The following LPAR6 variants were observed in gnomAD, a reference collection of about 807,000 sequenced individuals.
LPAR6 encodes the protein G-protein coupled purinergic receptor P2Y5.
In LPAR6, 17 loss-of-function variants were observed where a neutral mutation model predicts 22.0. The observed-to-expected ratio is 0.77, with a 90% CI of 0.53 to 1.16. LPAR6 has a LOEUF of 1.16. LPAR6 is among the 50% of genes most tolerant of loss of function. The pLI is 0.00. For synonymous variants in LPAR6, 136 were observed against 139.8 expected (o/e 0.97, Z 0.19); for missense variants, 384 against 406.9 (o/e 0.94, Z 0.48).
intron 1 of LPAR6, among the ~76,000 whole-genome samples, chr13:48,426,016 A>G (rs571183755): frequency 1.3e-5 from 2 of 152,328 alleles, no homozygotes; most frequent in South Asian, 4.1e-4. Context: ...TTGTATAATG[A>G]AAGAATACAA....
Position 48,411,963 on chromosome 13 carries a change from A to G in LPAR6, c.461T>C (p.Val154Ala). Residue 154 changes from valine (V) to alanine (A), a missense_variant, in exon 1 of 1, where the codon GTT becomes GCT. Transcript: ENST00000620633. Reference protein sequence around the residue: ...VIGGSAPAVFVQSTHSQGNNA... With the variant: ...VIGGSAPAVFAQSTHSQGNNA... ...GTTACCCTGAGAGTGGGTAGACTGA[A>G]CAAAAACGGCGGGTGCACTTCCTCC... The G allele has an allele frequency of 6.2e-7, 1 of 1,612,590 alleles. No homozygotes were observed. Among genetic ancestry groups the G allele is most frequent in the Non-Finnish European group, 8.5e-7 (1 of 1,179,196 alleles).
upstream of LPAR6, among the ~76,000 whole-genome samples, chr13:48,431,794 G>A (rs1949132328): frequency 6.6e-6 from 1 of 152,082 alleles, no homozygotes; most frequent in Non-Finnish European, 1.5e-5. Flanking sequence ...AAAGATTGCT[G>A]GATTTTTGCC....
At chr13:48,398,097 T>C (rs749735468) in intron 1 of LPAR6, among the ~76,000 whole-genome samples, 1 of 152,194 alleles carries the variant, frequency 6.6e-6, no homozygotes, top group Non-Finnish European at 1.5e-5. Context: ...ATGCCATATA[T>C]ACTTTTACAC....
chr13:48,413,689 C>T (rs530473177), upstream of LPAR6, among the ~76,000 whole-genome samples: 3 of 152,254 alleles, frequency 2.0e-5, no homozygotes, highest in Admixed American at 2.0e-4. Flanking sequence ...ATTCTTTCCT[C>T]TTTCCTATGC....
At position 48,411,518 on chromosome 13, in the gene LPAR6, T is replaced by C; in HGVS notation, c.906A>G (p.Ile302Met). 1 of 1,612,938 alleles carries C rather than the reference T, an allele frequency of 6.2e-7. No homozygotes were observed. Among genetic ancestry groups the C allele is most frequent in the Non-Finnish European group, 8.5e-7 (1 of 1,179,516 alleles). Reference protein sequence around the residue: ...YFTSDTIQNSIKMKNWSVRRS... With the variant: ...YFTSDTIQNSMKMKNWSVRRS... ...TCCTGACAGACCAGTTTTTCATTTT[T>C]ATTGAATTCTGAATTGTGTCCGATG... Residue 302 changes from isoleucine (I) to methionine (M), a missense_variant, in exon 1 of 1, where the codon ATA (isoleucine) becomes ATG (methionine). Coordinates refer to ENST00000620633, the MANE Select transcript of LPAR6 (RefSeq NM_001162498.3).
chr13:48,431,562 C>CT (rs942384883), upstream of LPAR6, among the ~76,000 whole-genome samples: 1 of 151,962 alleles, frequency 6.6e-6, no homozygotes, highest in Non-Finnish European at 1.5e-5. Flanking sequence ...TCTGTGGTTA[C>CT]TTTTTTTTAT....
At chr13:48,397,729 G>T (rs1948659925) in intron 1 of LPAR6, among the ~76,000 whole-genome samples, 1 of 151,998 alleles carries the variant, frequency 6.6e-6, no homozygotes, top group Admixed American at 6.6e-5. Flanking sequence ...AGTATAATTT[G>T]TAATGAATAG....
Position 48,411,838 on chromosome 13 carries a change from G to T in LPAR6, c.586C>A (p.Pro196Thr). 6.2e-7 allele frequency: 1 copy of T among 1,612,832 alleles called. No individual in the cohort carries two copies. The highest frequency in any genetic ancestry group is 1.1e-5 in the South Asian group (1 of 91,026). Residue 196 changes from proline (P) to threonine (T), a missense_variant, in exon 1 of 1, where the codon CCT becomes ACT. Physicochemically the swap from Pro to Thr is conservative, Grantham distance 38 (BLOSUM62 -1). Transcript: ENST00000620633. ...GAACAAGTTACATTTAAAATTAGAGGAATAAAAAATCCCACTATTTCGATG... is the reference window on the plus strand; with the variant it reads ...GAACAAGTTACATTTAAAATTAGAGTAATAAAAAATCCCACTATTTCGATG... ...IFIEIVGFFI[P>T]LILNVTCSSM...
chr13:48,426,915 T>A (rs1041599603), upstream of LPAR6: 3 of 152,352 alleles, frequency 2.0e-5, no homozygotes, highest in Non-Finnish European at 4.4e-5. Context: ...TTCTGGTGAG[T>A]CCTGAGGAAG....
intron 1 of LPAR6, among the ~76,000 whole-genome samples, chr13:48,438,584 T>C (rs1949206489): frequency 6.6e-6 from 1 of 152,026 alleles, no homozygotes; most frequent in Admixed American, 6.6e-5. Context: ...CTGTAAACTA[T>C]AGCATAAAAG....
chr13:48,411,226 T>C lies in LPAR6; in HGVS notation c.*163A>G. The C allele has an allele frequency of 1.6e-6, 1 of 615,842 alleles. No individual in the cohort carries two copies. The highest frequency in any genetic ancestry group is 2.7e-5 in the East Asian group (1 of 36,908). 38.1% of individuals were successfully genotyped at this position (615,842 alleles called of 1,614,324 possible). Reference sequence around the variant, plus strand: ...GTGGATACACAAATAAAATACATGTTAATGCTTAACACATTGAATACAAAT... The same window carrying C: ...GTGGATACACAAATAAAATACATGTCAATGCTTAACACATTGAATACAAAT... On this transcript the variant is annotated 3_prime_UTR_variant, in exon 1 of 1. Transcript: ENST00000620633.
At chr13:48,394,889 A>C (rs1237227708) in intron 1 of LPAR6, among the ~76,000 whole-genome samples, 1 of 152,256 alleles carries the variant, frequency 6.6e-6, no homozygotes, top group Non-Finnish European at 1.5e-5. Flanking sequence ...ACAGTGCTCA[A>C]GCTCTGCTAA....
intron 1 of LPAR6, chr13:48,439,609 C>T (rs972681551): frequency 6.6e-6 from 1 of 152,070 alleles, no homozygotes; most frequent in African/African-American, 2.4e-5. Context: ...GCCTTCTTAC[C>T]GTATCATCAC....
chr13:48,430,389 G>A (rs547920998), upstream of LPAR6, among the ~76,000 whole-genome samples: 1 of 152,148 alleles, frequency 6.6e-6, no homozygotes, highest in South Asian at 2.1e-4. Flanking sequence ...AATAAAAAAT[G>A]ACTCCATTTA....
chr13:48,389,571 T>A (rs190130441), exon 2 of LPAR6: 3 of 152,310 alleles, frequency 2.0e-5, no homozygotes, highest in Non-Finnish European at 2.9e-5. Flanking sequence ...AACAAATTAG[T>A]GGCTTTAAAC....
downstream of LPAR6, among the ~76,000 whole-genome samples, chr13:48,410,787 A>C (rs1325775184): frequency 1.3e-5 from 2 of 152,178 alleles, no homozygotes; most frequent in East Asian, 3.8e-4. Context: ...AATTGCCTAC[A>C]CAGACCAAAC....
intron 1 of LPAR6, among the ~76,000 whole-genome samples, chr13:48,394,791 G>A (rs1948635187): frequency 1.3e-5 from 2 of 152,240 alleles, no homozygotes; most frequent in African/African-American, 2.4e-5. Flanking sequence ...GACAGAGCAC[G>A]TGGGGGAAGG....
At chr13:48,416,819 G>A (rs1346111703), upstream of LPAR6, among the ~76,000 whole-genome samples, 1 of 152,174 alleles carries the variant, frequency 6.6e-6, no homozygotes, top group African/African-American at 2.4e-5. Context: ...AAAGCCACCG[G>A]GAAGTTTGAA....
Position 48,412,458 on chromosome 13 carries a change from C to T in LPAR6, c.-35G>A, listed in dbSNP as rs1400072345. 7.3e-7 allele frequency: 1 copy of T among 1,371,534 alleles called. No individual in the cohort carries two copies. Among genetic ancestry groups the T allele is most frequent in the East Asian group, 2.3e-5 (1 of 43,742 alleles). 85.0% of individuals were successfully genotyped at this position (1,371,534 alleles called of 1,614,324 possible). A position where few individuals can be genotyped will look rare whatever the true frequency, so the allele number is the denominator to read the frequency against. On this transcript the variant is annotated 5_prime_UTR_variant, in exon 1 of 1. In the 5' UTR this introduces an upstream ATG that the reference lacks. Transcript: ENST00000620633. The stretch of plus-strand genomic sequence containing the variant: ...ACGTCCAATTTTCAGTTTGGAAGCA[C>T]TTTCATCAGCTGCAGTCTCCTTTGG...
Sources: allele counts gnomAD v4.1 joint callset (sites outside exome capture counted in the v4.1 genomes callset), GRCh38; gene constraint gnomAD v4.1.1; transcripts MANE v1.5; gene names NCBI Gene and HGNC (gene_info 2026-07-23, HGNC 2026-07-21).